The following RFX7 variants were observed in gnomAD, a reference collection of about 807,000 sequenced individuals.
RFX7 encodes regulatory factor X7.
RFX7 carries 26 observed loss-of-function variants against 111.8 expected under a neutral mutation model. That is an observed-to-expected ratio of 0.23 (90% CI 0.17 to 0.32). RFX7 has a LOEUF of 0.32. Ranked by LOEUF, RFX7 falls within the 10% of genes least tolerant of loss-of-function variation. The pLI, the probability that RFX7 is intolerant of heterozygous loss-of-function variation, is 1.00. For synonymous variants in RFX7, 624 were observed against 624.4 expected (o/e 1.00, Z 0.01); for missense variants, 1,573 against 1,772.9 (o/e 0.89, Z 2.02).
intron 5 of RFX7, among the ~76,000 whole-genome samples, chr15:56,121,914 C>T (rs1275633930): frequency 6.6e-6 from 1 of 152,102 alleles, no homozygotes; most frequent in Non-Finnish European, 1.5e-5. Flanking sequence ...ATTCTGAATT[C>T]CTTCTCTGTG....
At chr15:56,120,137 C>T (rs1292295725) in intron 5 of RFX7, among the ~76,000 whole-genome samples, 2 of 152,168 alleles carry the variant, frequency 1.3e-5, no homozygotes, top group African/African-American at 4.8e-5. Flanking sequence ...AATCCATGAA[C>T]ATGGAACGCC....
rs548666904 is a variant in RFX7 at position 56,178,055 on chromosome 15, T to G, written c.195+1215A>C. 2.6e-5 allele frequency among the ~76,000 whole-genome samples: 4 copies of G among 151,962 alleles called. No individual in the cohort carries two copies. The East Asian group carries it at 5.8e-4, about 22-fold the overall frequency. Reference sequence around the variant, plus strand: ...ATGTCCAATAATTTTAATAATTTTTTGAATGAAATGCAAGAGCATTGGTGT... The same window carrying G: ...ATGTCCAATAATTTTAATAATTTTTGGAATGAAATGCAAGAGCATTGGTGT... On this transcript the variant is annotated intron_variant, in intron 3 of 9. Coordinates refer to ENST00000559447, the MANE Select transcript of RFX7 (RefSeq NM_022841.7).
At chr15:56,232,432 A>G (rs888430696) in intron 2 of RFX7, among the ~76,000 whole-genome samples, 1 of 151,886 alleles carries the variant, frequency 6.6e-6, no homozygotes, top group Non-Finnish European at 1.5e-5. Flanking sequence ...AATCATTTTT[A>G]CCTCCTAGGC....
rs11629809 is a variant in RFX7 at position 56,214,817 on chromosome 15, G to A, written c.161+28308C>T. Among the ~76,000 whole-genome samples the A allele has an allele frequency of 6.6e-5, 10 of 151,634 alleles. No homozygotes were observed. The East Asian group carries it at 1.7e-3, about 26-fold the overall frequency. ...ATTGAAAATGTTTAATTACACTATC[G>A]ATTTTTATTGTATACAGAAATGCAA... On this transcript the variant is annotated intron_variant, in intron 2 of 9. Coordinates refer to ENST00000559447, the MANE Select transcript of RFX7 (RefSeq NM_022841.7).
intron 3 of RFX7, among the ~76,000 whole-genome samples, chr15:56,145,182 C>T (rs1397336611): frequency 6.6e-6 from 1 of 152,144 alleles, no homozygotes; most frequent in Non-Finnish European, 1.5e-5. Flanking sequence ...TGCCTTCCTA[C>T]CTTTCTTCTA....
At chr15:56,155,067 C>CATCTCACGGCAGTTAGATG (rs1232426486) in intron 3 of RFX7, among the ~76,000 whole-genome samples, 1 of 152,242 alleles carries the variant, frequency 6.6e-6, no homozygotes, top group East Asian at 1.9e-4. Context: ...AAATGGGAAC[C>CATCTCACGGCAGTTAGATG]ACAATAAGAT....
chr15:56,177,835 T>C (rs895417996), intron 3 of RFX7, among the ~76,000 whole-genome samples: 1 of 152,098 alleles, frequency 6.6e-6, no homozygotes, highest in Non-Finnish European at 1.5e-5. Context: ...AATGAGACTC[T>C]TAAGAGTTGG....
rs2043748194 is a variant in RFX7, at chr15:56,243,628, T to C, written c.-186A>G. 1.0e-5 allele frequency: 2 copies of C among 192,114 alleles called. No individual in the cohort carries two copies. Among genetic ancestry groups the C allele is most frequent in the Non-Finnish European group, 1.8e-5 (2 of 109,876 alleles). The allele number at this position is 192,114 out of a possible 1,614,324, so 11.9% of individuals were successfully genotyped here. A position where few individuals can be genotyped will look rare whatever the true frequency, so the allele number is the denominator to read the frequency against. ...CTGTGGGGGGGTGAGATGGGGGCGT[T>C]TGAAGACGAAGTGGGGGGGGCAGGC... On this transcript the variant is annotated 5_prime_UTR_variant, in exon 1 of 10. Coordinates refer to ENST00000559447, the MANE Select transcript of RFX7 (RefSeq NM_022841.7).
Position 56,094,331 on chromosome 15 carries a change from T to C in RFX7, c.3397A>G (p.Thr1133Ala), listed in dbSNP as rs781644501. The C allele has an allele frequency of 1.1e-5, 17 of 1,613,864 alleles. No homozygotes were observed. Among genetic ancestry groups the C allele is most frequent in the Non-Finnish European group, 1.3e-5 (15 of 1,179,892 alleles). Residue 1133 changes from threonine to alanine, a missense_variant, in exon 10 of 10, where the codon ACT (threonine) becomes GCT (alanine). By Grantham distance (58) the Thr-to-Ala change is moderately conservative. This residue lies in a region of RFX7 where 411 missense variants were observed against 478.1 expected (regional missense o/e 0.86). Coordinates refer to ENST00000559447, the MANE Select transcript of RFX7 (RefSeq NM_022841.7). ...PVSPVQHQGATVNNTNKQEGF... is the reference protein window; with the variant it reads ...PVSPVQHQGAAVNNTNKQEGF... ...TCCTGTTTGTTGGTGTTATTTACAGTGGCACCTTGATGCTGCACAGGAGAG... is the reference window on the plus strand; with the variant it reads ...TCCTGTTTGTTGGTGTTATTTACAGCGGCACCTTGATGCTGCACAGGAGAG...
At chr15:56,177,867 G>A (rs993239554) in intron 3 of RFX7, among the ~76,000 whole-genome samples, 1 of 151,928 alleles carries the variant, frequency 6.6e-6, no homozygotes, top group African/African-American at 2.4e-5. Context: ...AATGCTCTGG[G>A]GGTTGGTGGC....
rs368223514 is a variant in RFX7 at position 56,154,742 on chromosome 15, C to T, written c.196-10259G>A. 1.3e-5 allele frequency among the ~76,000 whole-genome samples: 2 copies of T among 152,300 alleles called. 1 individual carries two copies. Reference sequence around the variant, plus strand: ...ATGGGCAAAGACTTCATGTCTAAAACACCAAAAGCAATGGCAACAAAAGCC... The same window carrying T: ...ATGGGCAAAGACTTCATGTCTAAAATACCAAAAGCAATGGCAACAAAAGCC... On this transcript the variant is annotated intron_variant, in intron 3 of 9. Transcript: ENST00000559447.
At position 56,093,989 on chromosome 15, in the gene RFX7, T is replaced by G; in HGVS notation, c.3739A>C (p.Lys1247Gln). 6.2e-7 allele frequency: 1 copy of G among 1,614,020 alleles called. No individual in the cohort carries two copies. Among genetic ancestry groups the G allele is most frequent in the Non-Finnish European group, 8.5e-7 (1 of 1,179,864 alleles). ...CTCAACAAAACATTGGTTATTTTTTTACTGTTTGCTTGCTTCTGAAGAGCG... is the reference window on the plus strand; with the variant it reads ...CTCAACAAAACATTGGTTATTTTTTGACTGTTTGCTTGCTTCTGAAGAGCG... ...PNALQKQANS[K>Q]KITNVLLSKL... Residue 1247 changes from lysine (K) to glutamine (Q), a missense_variant, in exon 10 of 10, where the codon AAA (lysine) becomes CAA (glutamine). Coordinates refer to ENST00000559447, the MANE Select transcript of RFX7 (RefSeq NM_022841.7).
chr15:56,240,006 T>G (rs1349301049), intron 2 of RFX7, among the ~76,000 whole-genome samples: 2 of 141,604 alleles, frequency 1.4e-5, no homozygotes, highest in Admixed American at 7.1e-5. Context: ...TTTTTTTTTT[T>G]GAAGTAACCA....
intron 2 of RFX7, among the ~76,000 whole-genome samples, chr15:56,186,843 C>G (rs1219285301): frequency 6.6e-6 from 1 of 152,128 alleles, no homozygotes; most frequent in East Asian, 1.9e-4. Flanking sequence ...TGTATGTATT[C>G]ATGAACATAT....
chr15:56,222,730 A>C (rs1056157038), intron 2 of RFX7, among the ~76,000 whole-genome samples: 3 of 152,116 alleles, frequency 2.0e-5, no homozygotes, highest in Non-Finnish European at 4.4e-5. Flanking sequence ...CTTTTCCTTT[A>C]AATCTTTGAG....
At chr15:56,122,026 A>C (rs1321337915) in intron 5 of RFX7, among the ~76,000 whole-genome samples, 1 of 151,990 alleles carries the variant, frequency 6.6e-6, no homozygotes, top group East Asian at 1.9e-4. Context: ...CTGGTGCCTT[A>C]TTTAGTTCGT....
intron 5 of RFX7, among the ~76,000 whole-genome samples, chr15:56,139,610 T>C (rs1193594483): frequency 6.6e-6 from 1 of 152,248 alleles, no homozygotes; most frequent in Non-Finnish European, 1.5e-5. Flanking sequence ...CCTTCTTCTC[T>C]CTGCTCCTCA....
intron 3 of RFX7, among the ~76,000 whole-genome samples, chr15:56,150,759 C>T (rs563757012): frequency 1.7e-4 from 26 of 152,192 alleles, no homozygotes; most frequent in Middle Eastern, 3.4e-3. Context: ...TGGGTAATAA[C>T]GAACAACTTT....
chr15:56,216,740 A>G (rs1362056831), intron 2 of RFX7, among the ~76,000 whole-genome samples: 2 of 152,356 alleles, frequency 1.3e-5, no homozygotes, highest in South Asian at 4.1e-4. Context: ...AATATCAATT[A>G]GCTACAACTA....
Sources: gnomAD v4.1 joint callset for allele counts (sites outside exome capture counted in the v4.1 genomes callset) on GRCh38, gnomAD v4.1.1 for gene constraint, gnomAD v4.1.1 regional missense constraint, MANE v1.5 for transcripts, NCBI Gene and HGNC (gene_info 2026-07-23, HGNC 2026-07-21) for gene names.